The following HGF variants were observed in gnomAD, a reference collection of about 807,000 sequenced individuals.
HGF encodes the protein hepatocyte growth factor.
Under a neutral mutation model 111.6 loss-of-function variants are expected in HGF, and 39 were observed. The observed-to-expected ratio is 0.35, with a 90% confidence interval of 0.27 to 0.46. The LOEUF (loss-of-function observed/expected upper bound fraction) is 0.46. Ranked by LOEUF, HGF falls within the 20% of genes least tolerant of loss-of-function variation. The pLI is 1.00. For synonymous variants in HGF, 285 were observed against 294.8 expected (o/e 0.97, Z 0.34); for missense variants, 735 against 910.5 (o/e 0.81, Z 2.48).
chr7:81,739,279 CTT>C (rs1208724858), intron 7 of HGF, among the ~76,000 whole-genome samples: 2 of 152,248 alleles, frequency 1.3e-5, no homozygotes, highest in South Asian at 2.1e-4. Context: ...TAATCACACT[CTT>C]TATTTCTTAC....
intron 17 of HGF, among the ~76,000 whole-genome samples, chr7:81,703,193 T>C (rs1789332387): frequency 1.3e-5 from 2 of 151,448 alleles, no homozygotes; most frequent in African/African-American, 4.8e-5. Flanking sequence ...TGTAATCATA[T>C]AGTTTTAACA....
intron 11 of HGF, 127 bp from the exon 12 acceptor site, chr7:81,711,646 T>G (rs1055972558): frequency 7.1e-5 from 35 of 491,940 alleles, no homozygotes; most frequent in African/African-American, 6.6e-4. Context: ...TTGTTGTTGT[T>G]GTTTTGTTTT....
intron 5 of HGF, among the ~76,000 whole-genome samples, chr7:81,745,381 T>C (rs1046798291): frequency 2.0e-5 from 3 of 152,202 alleles, no homozygotes; most frequent in Admixed American, 6.5e-5. Context: ...GTCTATCTAT[T>C]TTTTCAATAA....
chr7:81,758,948 T>C (rs1038176310), intron 2 of HGF, 144 bp from the exon 3 acceptor site: 4 of 578,008 alleles, frequency 6.9e-6, no homozygotes, highest in Non-Finnish European at 1.2e-5. Flanking sequence ...AAAATATGAG[T>C]AAAATTTGAA....
At position 81,743,411 on chromosome 7, in the gene HGF, T is replaced by C. The variant is rs1332727466; in HGVS notation, c.807A>G (p.Pro269=). 7 of 1,613,826 alleles carry C rather than the reference T, an allele frequency of 4.3e-6. No individual in the cohort carries two copies. The Admixed American group carries it at 6.7e-5, about 15-fold the overall frequency. ...TGTGAGGGTCAAGAGTATAGCACCA[T>C]GGCCTCGGCTGGCCATCGGGATTGC... ...YCRNPDGQPR[P]WCYTLDPHTR... is the part of the protein sequence containing the mutation. The change falls in exon 7 of 18, where the codon CCA becomes CCG. Residue 269 remains proline (P), a synonymous_variant. Transcript: ENST00000222390.
intron 4 of HGF, chr7:81,756,891 T>C (rs1788796477): frequency 2.7e-5 from 12 of 447,940 alleles, no homozygotes; most frequent in South Asian, 2.6e-4. Context: ...GTGCCGTACT[T>C]TCTCAAAGAC....
rs952193340 is a variant in HGF at position 81,719,578 on chromosome 7, T to C, written c.1271+1167A>G. Among the ~76,000 whole-genome samples, 6 of 152,186 alleles carry C rather than the reference T, an allele frequency of 3.9e-5. 1 individual carries two copies. Among genetic ancestry groups the C allele is most frequent in the African/African-American group, 1.4e-4 (6 of 41,448 alleles). On this transcript the variant is annotated intron_variant, in intron 10 of 17. Transcript: ENST00000222390. Reference sequence around the variant, plus strand: ...TTAATTATTTTGTATTAAATACATATTGAAATGAAAAACTGTAGATACAGT... The same window carrying C: ...TTAATTATTTTGTATTAAATACATACTGAAATGAAAAACTGTAGATACAGT...
intron 9 of HGF, among the ~76,000 whole-genome samples, chr7:81,723,518 G>T (rs1395340356): frequency 1.3e-5 from 2 of 151,302 alleles, no homozygotes; most frequent in African/African-American, 4.8e-5. Context: ...TACATTTTAT[G>T]ATATTGATAT....
At position 81,702,218 on chromosome 7, in the gene HGF, G is replaced by C. The variant is rs899567940; in HGVS notation, c.*363C>G. 1.2e-5 allele frequency: 3 copies of C among 250,550 alleles called. No individual in the cohort carries two copies. The highest frequency in any genetic ancestry group is 6.6e-5 in the African/African-American group (3 of 45,358). 15.5% of individuals were successfully genotyped at this position (250,550 alleles called of 1,614,324 possible). On this transcript the variant is annotated 3_prime_UTR_variant, in exon 18 of 18. Coordinates refer to ENST00000222390, the MANE Select transcript of HGF (RefSeq NM_000601.6). ...AGGTTAAAATAACATTTAATTTGTG[G>C]TTTACTCATTATTAAGAAACCAACA...
At chr7:81,731,879 G>T (rs1188755720) in intron 7 of HGF, among the ~76,000 whole-genome samples, 1 of 152,106 alleles carries the variant, frequency 6.6e-6, no homozygotes, top group African/African-American at 2.4e-5. Context: ...AAGCTCTTGG[G>T]CAGCAAACTT....
chr7:81,705,212 A>T (rs912612908), intron 17 of HGF, among the ~76,000 whole-genome samples, 178 bp downstream of exon 17: 21 of 151,934 alleles, frequency 1.4e-4, no homozygotes, highest in African/African-American at 4.8e-4. Context: ...AACATTGATT[A>T]TCTCACTGCT....
rs1316227876 is a variant in HGF at position 81,752,232 on chromosome 7, G to A, written c.513C>T (p.Asp171=). The part of the protein sequence containing the change: ...SFLPSSYRGK[D]LQENYCRNPR... The stretch of plus-strand genomic sequence containing the variant: ...GATTTCGACAGTAGTTTTCCTGTAG[G>A]TCTTTACCCCGATAGCTCGAAGGCA... The change falls in exon 5 of 18, where the codon GAC becomes GAT. Residue 171 remains aspartate, a synonymous_variant. Transcript: ENST00000222390. The A allele has an allele frequency of 6.2e-7, 1 of 1,613,422 alleles. No homozygotes were observed. The highest frequency in any genetic ancestry group is 1.7e-5 in the Admixed American group (1 of 59,986).
chr7:81,705,748 G>A lies in HGF; in HGVS notation c.1763C>T (p.Ala588Val), dbSNP rs2115766980. The stretch of plus-strand genomic sequence containing the variant: ...CGTACTAACAAAATCATCCAGGACA[G>A]CAGGCCTGAAAACACAAAATACAAT... Reference protein sequence around the residue: ...DLVLMKLARPAVLDDFVSTID... With the variant: ...DLVLMKLARPVVLDDFVSTID... Residue 588 changes from alanine to valine, a missense_variant, in exon 16 of 18, where the codon GCT becomes GTT. Transcript: ENST00000222390. 6.2e-7 allele frequency: 1 copy of A among 1,602,574 alleles called. No individual in the cohort carries two copies. Among genetic ancestry groups the A allele is most frequent in the Non-Finnish European group, 8.5e-7 (1 of 1,170,290 alleles).
At chr7:81,723,801 T>G (rs920170902) in intron 9 of HGF, among the ~76,000 whole-genome samples, 91 of 150,946 alleles carry the variant, frequency 6.0e-4, no homozygotes, top group South Asian at 4.0e-3. Context: ...CATATATATA[T>G]ATAGATAGAT....
Position 81,702,493 on chromosome 7 carries a change from G to A in HGF, c.*88C>T, listed in dbSNP as rs977727635. On this transcript the variant is annotated 3_prime_UTR_variant, in exon 18 of 18. Coordinates refer to ENST00000222390, the MANE Select transcript of HGF (RefSeq NM_000601.6). ...CTCCAGTAGTTGTCTTAGGATTGTT[G>A]TAAGTGACATTTTAAATTCCACATT... 1 of 1,086,730 alleles carries A rather than the reference G, an allele frequency of 9.2e-7. No homozygotes were observed. The highest frequency in any genetic ancestry group is 1.6e-5 in the African/African-American group (1 of 64,398). 67.3% of individuals were successfully genotyped at this position (1,086,730 alleles called of 1,614,324 possible).
intron 5 of HGF, among the ~76,000 whole-genome samples, chr7:81,746,630 G>A (rs6467871): frequency 1.3e-5 from 2 of 151,602 alleles, no homozygotes; most frequent in African/African-American, 4.9e-5. Context: ...TTCTACTCTT[G>A]TATAGTACTC....
At chr7:81,756,329 G>A (rs771876140) in intron 4 of HGF, 24 of 396,842 alleles carry the variant, frequency 6.0e-5, no homozygotes, top group Admixed American at 3.0e-4. Flanking sequence ...GCTCAGCAAG[G>A]TACATGGTAA....
At chr7:81,715,936 G>T (rs1201715300) in intron 11 of HGF, among the ~76,000 whole-genome samples, 1 of 152,168 alleles carries the variant, frequency 6.6e-6, no homozygotes, top group African/African-American at 2.4e-5. Context: ...CCTTTCTAAA[G>T]AGAAGGTGGT....
At chr7:81,757,970 C>T (rs1043203558) in intron 3 of HGF, among the ~76,000 whole-genome samples, 21 of 151,754 alleles carry the variant, frequency 1.4e-4, no homozygotes, top group Admixed American at 1.2e-3. Flanking sequence ...CTTACTTCTA[C>T]CATAAATTTA....
Sources: allele counts gnomAD v4.1 joint callset (sites outside exome capture counted in the v4.1 genomes callset), GRCh38; gene constraint gnomAD v4.1.1; transcripts MANE v1.5; gene names NCBI Gene and HGNC (gene_info 2026-07-23, HGNC 2026-07-21).